EML1: variants seen among roughly 807,000 people sequenced by gnomAD.
The protein encoded by EML1 is echinoderm microtubule-associated protein-like 1.
EML1 carries 27 observed loss-of-function variants against 110.4 expected under a neutral mutation model. That is an observed-to-expected ratio of 0.24 (90% confidence interval 0.18 to 0.34). The LOEUF is 0.34. Ranked by LOEUF, EML1 falls within the 10% of genes least tolerant of loss-of-function variation. The probability of loss-of-function intolerance (pLI) is 1.00; values close to 1 mark genes in which losing one functional copy is unlikely to be tolerated. For synonymous variants in EML1, 344 were observed against 385.8 expected, an observed-to-expected ratio of 0.89 and a Z score of 1.27; for missense variants, 741 against 1,030.9, an observed-to-expected ratio of 0.72 and a Z score of 3.85.
chr14:99,922,939 T>C (rs1220568343), intron 17 of EML1, among the ~76,000 whole-genome samples: 1 of 152,212 alleles, frequency 6.6e-6, no homozygotes, highest in Non-Finnish European at 1.5e-5. Context: ...ATGGCTTATC[T>C]TTTTTTCTGT....
At chr14:99,807,933 G>C (rs1175284239) in intron 1 of EML1, among the ~76,000 whole-genome samples, 2 of 152,146 alleles carry the variant, frequency 1.3e-5, no homozygotes, top group African/African-American at 4.8e-5. Flanking sequence ...TCTGCTTACT[G>C]TGTGCCAAGA....
intron 1 of EML1, among the ~76,000 whole-genome samples, chr14:99,744,999 C>T (rs980549333): frequency 3.3e-5 from 5 of 152,072 alleles, no homozygotes; most frequent in African/African-American, 1.2e-4. Flanking sequence ...TACAGATATG[C>T]ACTCTCTCTT....
intron 16 of EML1, among the ~76,000 whole-genome samples, chr14:99,918,826 A>G (rs552600164): frequency 6.6e-6 from 1 of 152,310 alleles, no homozygotes; most frequent in Non-Finnish European, 1.5e-5. Flanking sequence ...AAAAAAAATT[A>G]AAAATAGAAA....
intron 9 of EML1, among the ~76,000 whole-genome samples, chr14:99,904,977 T>TC (rs35353259): frequency 6.6e-6 from 1 of 152,214 alleles, no homozygotes; most frequent in African/African-American, 2.4e-5. Context: ...AATCCTTTTT[T>TC]CCCATTAATC....
At position 99,781,654 on chromosome 14, in the gene EML1, A is replaced by G. The variant is rs2057540934; in HGVS notation, c.-27+7641A>G. Among the ~76,000 whole-genome samples, 2 of 152,180 alleles carry G rather than the reference A, an allele frequency of 1.3e-5. No individual in the cohort carries two copies. Among genetic ancestry groups the G allele is most frequent in the Admixed American group, 1.3e-4 (2 of 15,290 alleles). ...CACAGTCCTAATTCTGTGGCTTCCA[A>G]GGGGCTCCCATTGCCCATAGACTAA... On this transcript the variant is annotated intron_variant, in intron 1 of 22. Transcript: ENST00000327921. This position sits in a 1 kb window ranked among gnomAD's most constrained non-coding sequence, Gnocchi z 4.2.
intron 1 of EML1, among the ~76,000 whole-genome samples, chr14:99,821,348 CT>C (rs1238124666): frequency 1.1e-4 from 16 of 152,102 alleles, no homozygotes; most frequent in African/African-American, 3.9e-4. Flanking sequence ...TTATATAGAG[CT>C]TTTTAAAATT....
chr14:99,896,833 AT>A (rs1361313908), intron 6 of EML1, among the ~76,000 whole-genome samples: 1 of 152,002 alleles, frequency 6.6e-6, no homozygotes, highest in Non-Finnish European at 1.5e-5. Context: ...TAAAAAAGGA[AT>A]TTTTTAGTAA....
In EML1 at chr14:99,900,982, C is replaced by T. The variant is rs1259099008; in HGVS notation, c.951C>T (p.His317=). The T allele has an allele frequency of 4.3e-6, 7 of 1,614,050 alleles. No homozygotes were observed. In the South Asian group the frequency reaches 4.4e-5, roughly 10 times the overall value. Reference sequence around the variant, plus strand: ...ATTCTGTGACATTGAATACTCTCCACGTCATTGGAATAGGTTTTTTTGACC... The same window carrying T: ...ATTCTGTGACATTGAATACTCTCCATGTCATTGGAATAGGTTTTTTTGACC... The part of the protein sequence containing the change: ...IWDSVTLNTL[H]VIGIGFFDRA... Residue 317 remains histidine (H), a synonymous_variant, in exon 9 of 22, where the codon CAC becomes CAT. Coordinates refer to ENST00000262233, the MANE Select transcript of EML1 (RefSeq NM_004434.3).
At chr14:99,880,369 T>C (rs1447215725) in intron 4 of EML1, among the ~76,000 whole-genome samples, 3 of 152,142 alleles carry the variant, frequency 2.0e-5, no homozygotes, top group Non-Finnish European at 4.4e-5. Context: ...AGCTGGTAAT[T>C]CAGTGGCTGC....
chr14:99,926,402 G>A lies in EML1; in HGVS notation c.1909+5525G>A, dbSNP rs370989008. Among the ~76,000 whole-genome samples the A allele has an allele frequency of 6.7e-5, 10 of 149,534 alleles. No individual in the cohort carries two copies. The East Asian group carries it at 1.8e-3, about 27-fold the overall frequency. On this transcript the variant is annotated intron_variant, in intron 17 of 21. Transcript: ENST00000262233. The stretch of plus-strand genomic sequence containing the variant: ...CAGATTCAAGCAATTCTCCTGCCTC[G>A]GCCTCCTGAGTAGCTGGAACTACAG...
At chr14:99,910,399 C>T in intron 12 of EML1, 58 bp downstream of exon 12, 1 of 1,344,870 alleles carries the variant, frequency 7.4e-7, no homozygotes, top group Non-Finnish European at 1.0e-6. Flanking sequence ...AGAGATCAAA[C>T]ATGAGTGCTT....
At chr14:99,890,642 G>A (rs1324805332) in intron 4 of EML1, among the ~76,000 whole-genome samples, 2 of 152,172 alleles carry the variant, frequency 1.3e-5, no homozygotes, top group Non-Finnish European at 2.9e-5. Flanking sequence ...GGTGACTGAA[G>A]TCAGCAGGGG....
rs2057535326 is a variant in EML1 at position 99,781,150 on chromosome 14, T to C, written c.-27+7137T>C. Among the ~76,000 whole-genome samples, 1 of 152,012 alleles carries C rather than the reference T, an allele frequency of 6.6e-6. No individual in the cohort carries two copies. Among genetic ancestry groups the C allele is most frequent in the African/African-American group, 2.4e-5 (1 of 41,378 alleles). Reference sequence around the variant, plus strand: ...ACCCCTGTTCCACTGGCCGCCTCCCTTCTCCTTGACTCGTCCCCAGCTTCT... The same window carrying C: ...ACCCCTGTTCCACTGGCCGCCTCCCCTCTCCTTGACTCGTCCCCAGCTTCT... On this transcript the variant is annotated intron_variant, in intron 1 of 22. Coordinates refer to the EML1 transcript ENST00000327921. The surrounding 1 kb of genome is among the most constrained non-coding windows in gnomAD (Gnocchi z 4.2).
intron 1 of EML1, among the ~76,000 whole-genome samples, chr14:99,822,374 C>A (rs1234276871): frequency 6.6e-6 from 1 of 152,180 alleles, no homozygotes; most frequent in Non-Finnish European, 1.5e-5. Flanking sequence ...CAACACTCAG[C>A]TGTTTGAATA....
chr14:99,761,594 G>T (rs988060056), intron 1 of EML1, among the ~76,000 whole-genome samples: 1 of 152,040 alleles, frequency 6.6e-6, no homozygotes, highest in Non-Finnish European at 1.5e-5. Context: ...ATGCAGAATG[G>T]GCATTCAAAA....
chr14:99,844,877 A>G (rs1326194820), intron 1 of EML1, among the ~76,000 whole-genome samples: 4 of 152,184 alleles, frequency 2.6e-5, no homozygotes, highest in African/African-American at 9.7e-5. Context: ...TTTATTACTG[A>G]GTATATTCCA....
chr14:99,793,635 C>T, intron 1 of EML1, 92 bp downstream of exon 1: 5 of 927,932 alleles, frequency 5.4e-6, no homozygotes, highest in Non-Finnish European at 6.4e-6. Flanking sequence ...GGGGCCGAGG[C>T]CCGGCGGCCG....
chr14:99,831,663 C>G (rs921591557), intron 1 of EML1, among the ~76,000 whole-genome samples: 1 of 152,114 alleles, frequency 6.6e-6, no homozygotes, highest in African/African-American at 2.4e-5. Context: ...TCTGCTGCAA[C>G]CTATAGATCC....
intron 1 of EML1, among the ~76,000 whole-genome samples, chr14:99,813,556 AT>A (rs2058116963): frequency 6.6e-6 from 1 of 152,212 alleles, no homozygotes; most frequent in Admixed American, 6.5e-5. Context: ...CTCTATAAAA[AT>A]TTAGCCAGTT....
Sources: gnomAD v4.1 joint callset for allele counts (sites outside exome capture counted in the v4.1 genomes callset) on GRCh38, gnomAD v4.1.1 for gene constraint, Gnocchi (gnomAD v3.1) non-coding constraint, MANE v1.5 for transcripts, NCBI Gene and HGNC (gene_info 2026-07-23, HGNC 2026-07-21) for gene names.